Variants in TAFA2 observed in about 807,000 individuals in gnomAD.
The protein encoded by TAFA2 is TAFA chemokine like family member 2, also known as chemokine-like protein TAFA-2.
Under a neutral mutation model 18.8 loss-of-function variants are expected in TAFA2, and 7 were observed. That is an observed-to-expected ratio of 0.37 (90% CI 0.21 to 0.70). TAFA2 has a LOEUF of 0.70. Ranked by LOEUF, TAFA2 falls within the 30% of genes least tolerant of loss-of-function variation. The probability of loss-of-function intolerance (pLI) is 0.53; values close to 1 mark genes in which losing one functional copy is unlikely to be tolerated. For synonymous variants in TAFA2, 60 were observed against 54.2 expected, an observed-to-expected ratio of 1.11 and a Z score of -0.47; for missense variants, 122 against 158.1, an observed-to-expected ratio of 0.77 and a Z score of 1.23.
intron 1 of TAFA2, among the ~76,000 whole-genome samples, chr12:62,221,242 G>GAAGA (rs2062761148): frequency 6.7e-6 from 1 of 149,642 alleles, no homozygotes; most frequent in Non-Finnish European, 1.5e-5. Context: ...AGGAAGGAAG[G>GAAGA]AAGGAAGGAA....
intron 1 of TAFA2, among the ~76,000 whole-genome samples, chr12:62,229,860 T>C (rs981275149): frequency 4.0e-5 from 6 of 151,798 alleles, no homozygotes; most frequent in Non-Finnish European, 2.9e-5. Flanking sequence ...GTTGTTGTTG[T>C]TGTTGTTGTT....
chr12:62,200,309 T>G (rs1201936801), intron 1 of TAFA2, among the ~76,000 whole-genome samples: 2 of 152,234 alleles, frequency 1.3e-5, no homozygotes, highest in Non-Finnish European at 2.9e-5. Flanking sequence ...TGTTTATGTT[T>G]TCATCATGAA....
chr12:62,030,886 C>T (rs1036912046), intron 1 of TAFA2, among the ~76,000 whole-genome samples: 8 of 152,014 alleles, frequency 5.3e-5, no homozygotes, highest in Admixed American at 2.0e-4. Flanking sequence ...GTAGGAGTAA[C>T]GGGTTTCTGG....
intron 1 of TAFA2, among the ~76,000 whole-genome samples, chr12:62,005,822 G>A (rs1244096561): frequency 2.0e-5 from 3 of 152,054 alleles, no homozygotes; most frequent in Non-Finnish European, 4.4e-5. Flanking sequence ...CAAATAGTAA[G>A]TGATGCAACT....
chr12:61,747,374 C>T (rs1362892131), intron 4 of TAFA2, among the ~76,000 whole-genome samples: 1 of 145,486 alleles, frequency 6.9e-6, no homozygotes, highest in African/African-American at 2.6e-5. Context: ...GGTATATACC[C>T]AAAGGATTAT....
chr12:62,184,640 C>T (rs1171696861), intron 1 of TAFA2, among the ~76,000 whole-genome samples: 1 of 151,020 alleles, frequency 6.6e-6, no homozygotes, highest in African/African-American at 2.4e-5. Flanking sequence ...GGACTACAGG[C>T]ACACACACCC....
chr12:61,890,038 T>A (rs530024329), intron 1 of TAFA2, among the ~76,000 whole-genome samples: 1 of 152,336 alleles, frequency 6.6e-6, no homozygotes, highest in African/African-American at 2.4e-5. Context: ...AGCCTGTGAG[T>A]TGAAGACTCT....
At chr12:62,183,590 G>T (rs894430254) in intron 1 of TAFA2, among the ~76,000 whole-genome samples, 2 of 152,054 alleles carry the variant, frequency 1.3e-5, no homozygotes, top group African/African-American at 4.8e-5. Flanking sequence ...TCATCATATT[G>T]CCCAGGCTGG....
chr12:62,209,438 T>C (rs918727679), intron 1 of TAFA2, among the ~76,000 whole-genome samples: 1 of 152,172 alleles, frequency 6.6e-6, no homozygotes, highest in Non-Finnish European at 1.5e-5. Context: ...GAACTGTGAG[T>C]CAATTAAACC....
At chr12:61,931,903 C>A (rs1447002051) in intron 1 of TAFA2, among the ~76,000 whole-genome samples, 3 of 152,108 alleles carry the variant, frequency 2.0e-5, no homozygotes, top group Non-Finnish European at 4.4e-5. Flanking sequence ...CTCTTACCTG[C>A]CTACAAAAAT....
At chr12:62,043,479 G>A (rs963135053) in intron 1 of TAFA2, among the ~76,000 whole-genome samples, 1 of 151,998 alleles carries the variant, frequency 6.6e-6, no homozygotes. Context: ...GGGGGTAGGG[G>A]GGAGGGATAG....
At chr12:61,794,846 T>C (rs1007206737) in intron 2 of TAFA2, among the ~76,000 whole-genome samples, 15 of 152,060 alleles carry the variant, frequency 9.9e-5, no homozygotes, top group African/African-American at 3.6e-4. Context: ...AAAGGGCTAA[T>C]ATCCAGAATC....
At chr12:61,753,867 G>T in intron 3 of TAFA2, 121 bp from the exon 4 acceptor site, 1 of 685,300 alleles carries the variant, frequency 1.5e-6, no homozygotes, top group Non-Finnish European at 2.3e-6. Context: ...AGGTATTTGA[G>T]GTATGCCTTT....
intron 1 of TAFA2, among the ~76,000 whole-genome samples, chr12:62,114,904 A>G (rs1869894956): frequency 6.6e-6 from 1 of 152,046 alleles, no homozygotes; most frequent in Admixed American, 6.6e-5. Flanking sequence ...CAATAACTCA[A>G]TTTTTATTAG....
intron 2 of TAFA2, among the ~76,000 whole-genome samples, chr12:61,777,419 C>A (rs1231550640): frequency 6.6e-6 from 1 of 151,788 alleles, no homozygotes; most frequent in African/African-American, 2.4e-5. Flanking sequence ...TTATTATTAT[C>A]ATTATTATAA....
At chr12:61,788,487 C>G (rs1348474705) in intron 2 of TAFA2, among the ~76,000 whole-genome samples, 1 of 151,590 alleles carries the variant, frequency 6.6e-6, no homozygotes, top group Admixed American at 6.6e-5. Context: ...TTTAAGAAGA[C>G]AGAGATCATA....
intron 2 of TAFA2, among the ~76,000 whole-genome samples, chr12:61,849,140 G>T (rs985182582): frequency 6.6e-6 from 1 of 152,026 alleles, no homozygotes; most frequent in Non-Finnish European, 1.5e-5. Flanking sequence ...CACTGCGCCC[G>T]GCCATGGTAG....
chr12:62,169,361 T>G (rs1353319243), intron 1 of TAFA2, among the ~76,000 whole-genome samples: 1 of 152,144 alleles, frequency 6.6e-6, no homozygotes, highest in African/African-American at 2.4e-5. Context: ...CTACGATGCC[T>G]CTCAAAAGCA....
intron 1 of TAFA2, among the ~76,000 whole-genome samples, chr12:62,000,298 C>T (rs1880338300): frequency 7.0e-6 from 1 of 142,632 alleles, no homozygotes. Context: ...GAAACCACAT[C>T]ATATGTTTTT....
Sources: allele counts gnomAD v4.1 joint callset (sites outside exome capture counted in the v4.1 genomes callset), GRCh38; gene constraint gnomAD v4.1.1; transcripts MANE v1.5; gene names NCBI Gene and HGNC (gene_info 2026-07-23, HGNC 2026-07-21).